The following NCOR2 variants were observed in gnomAD, a reference collection of about 807,000 sequenced individuals.
NCOR2 encodes the protein nuclear receptor corepressor 2, also known as CTG repeat protein 26.
NCOR2 carries 81 observed loss-of-function variants against 262.9 expected under a neutral mutation model. The ratio of observed to expected loss-of-function variants is 0.31; its 90% CI spans 0.26 to 0.37. The LOEUF is 0.37. Ranked by LOEUF, NCOR2 falls within the 10% of genes least tolerant of loss-of-function variation. The pLI is 1.00. For missense variants in NCOR2, 3,385 were observed against 3,621.4 expected, an observed-to-expected ratio of 0.93 and a Z score of 1.68; for synonymous variants, 1,659 against 1,559.3, an observed-to-expected ratio of 1.06 and a Z score of -1.51.
intron 44 of NCOR2, among the ~76,000 whole-genome samples, chr12:124,329,943 C>T (rs548982398): frequency 6.6e-6 from 1 of 152,278 alleles, no homozygotes; most frequent in South Asian, 2.1e-4. Flanking sequence ...TGGCAATGCC[C>T]CCGGTGTCTA....
intron 22 of NCOR2, among the ~76,000 whole-genome samples, chr12:124,360,551 T>G (rs979042639): frequency 2.0e-5 from 3 of 152,098 alleles, no homozygotes; most frequent in African/African-American, 7.2e-5. Context: ...ACACGCTCAC[T>G]TCAAATCCCT....
exon 38 of NCOR2, chr12:124,337,045 C>A: frequency 6.7e-7 from 1 of 1,496,946 alleles, no homozygotes; most frequent in East Asian, 2.4e-5. Context: ...GCCGGGCGAC[C>A]CGGGGGGCCT....
intron 7 of NCOR2, among the ~76,000 whole-genome samples, chr12:124,441,396 C>T (rs2044794624): frequency 6.6e-6 from 1 of 152,170 alleles, no homozygotes. Flanking sequence ...AACAAATCCC[C>T]ACGAGTCCAT....
At chr12:124,433,211 G>C (rs771536333) in intron 8 of NCOR2, among the ~76,000 whole-genome samples, 15 of 152,214 alleles carry the variant, frequency 9.9e-5, no homozygotes, top group Non-Finnish European at 1.9e-4. Context: ...TGGAGATCAA[G>C]AGGCAGTTCT....
chr12:124,550,889 G>C (rs1217084731), intron 1 of NCOR2, among the ~76,000 whole-genome samples: 1 of 152,202 alleles, frequency 6.6e-6, no homozygotes, highest in African/African-American at 2.4e-5. Flanking sequence ...GTGCTCTCTA[G>C]AAAGTCCCCG....
intron 1 of NCOR2, among the ~76,000 whole-genome samples, chr12:124,532,992 C>A (rs2050915233): frequency 1.4e-5 from 1 of 71,892 alleles, no homozygotes; most frequent in Admixed American, 1.5e-4. Context: ...CTCCTCTTTC[C>A]CCCACCTCCA....
chr12:124,445,788 G>C (rs901733613), intron 7 of NCOR2, among the ~76,000 whole-genome samples: 5 of 152,226 alleles, frequency 3.3e-5, no homozygotes, highest in Non-Finnish European at 7.3e-5. Context: ...ACAGTGCCTG[G>C]CGTGTAGTAG....
At position 124,517,858 on chromosome 12, in the gene NCOR2, C is replaced by G. The variant is rs551586346; in HGVS notation, c.-118+17707G>C. On this transcript the variant is annotated intron_variant, in intron 1 of 46. Transcript: ENST00000404621. This position sits in a 1 kb window ranked among gnomAD's most constrained non-coding sequence, Gnocchi z 7.6. Reference sequence around the variant, plus strand: ...CCGATGAGACAGCCCTGCCCACCATCCCGCTGAGCTCAGGGCCGACAACAC... The same window carrying G: ...CCGATGAGACAGCCCTGCCCACCATGCCGCTGAGCTCAGGGCCGACAACAC... 1.3e-5 allele frequency among the ~76,000 whole-genome samples: 2 copies of G among 152,216 alleles called. No homozygotes were observed. Among genetic ancestry groups the G allele is most frequent in the Admixed American group, 1.3e-4 (2 of 15,288 alleles).
In NCOR2 at chr12:124,506,445, G is replaced by A. The variant is rs1027068917; in HGVS notation, c.-117-11077C>T. ...CAGCTCGGCCCTGCTCCCCCGCCAC[G>A]GCGAAGTATGCTCAAAATCACTTCC... is the stretch of plus-strand genomic sequence containing the variant. On this transcript the variant is annotated intron_variant, in intron 1 of 46. Transcript: ENST00000404621. Among the ~76,000 whole-genome samples the A allele has an allele frequency of 3.3e-5, 5 of 152,176 alleles. No individual in the cohort carries two copies. In the East Asian group the frequency reaches 7.7e-4, roughly 24 times the overall value.
In NCOR2 at chr12:124,483,543, A is replaced by C; in HGVS notation, c.411+53T>G. 2.1e-6 allele frequency: 3 copies of C among 1,422,498 alleles called. No individual in the cohort carries two copies. The highest frequency in any genetic ancestry group is 1.9e-6 in the Non-Finnish European group (2 of 1,074,540). The allele number at this position is 1,422,498 out of a possible 1,614,324, so 88.1% of individuals were successfully genotyped here. ...CCACCACCTCCCACCCAGCCCAACC[A>C]GCAGCAGAACCTCAAGCGGGAGAGG... On this transcript the variant is annotated intron_variant, in intron 3 of 46. Transcript: ENST00000405201. This position sits in a 1 kb window ranked among gnomAD's most constrained non-coding sequence, Gnocchi z 6.3.
At chr12:124,508,959 A>G (rs539420367) in intron 1 of NCOR2, among the ~76,000 whole-genome samples, 1 of 152,116 alleles carries the variant, frequency 6.6e-6, no homozygotes, top group Non-Finnish European at 1.5e-5. Context: ...ACTATTAAAT[A>G]TAACAGGAAT....
At chr12:124,382,450 G>C (rs938519852) in intron 17 of NCOR2, among the ~76,000 whole-genome samples, 1 of 152,188 alleles carries the variant, frequency 6.6e-6, no homozygotes, top group South Asian at 2.1e-4. Flanking sequence ...CCTGGATCTC[G>C]GGGTCCCCTC....
At chr12:124,505,034 G>A (rs974188073) in intron 1 of NCOR2, among the ~76,000 whole-genome samples, 3 of 152,222 alleles carry the variant, frequency 2.0e-5, no homozygotes, top group African/African-American at 7.2e-5. Flanking sequence ...TATTTTGTAC[G>A]TATTTTACCA....
intron 28 of NCOR2, among the ~76,000 whole-genome samples, chr12:124,349,844 C>G (rs921947809): frequency 6.6e-6 from 1 of 152,130 alleles, no homozygotes. Context: ...CCAGGGGCAC[C>G]AGGGCATGAG....
intron 1 of NCOR2, among the ~76,000 whole-genome samples, chr12:124,489,267 A>G (rs2047948102): frequency 6.6e-6 from 1 of 152,170 alleles, no homozygotes; most frequent in Non-Finnish European, 1.5e-5. Context: ...AAAAACAACA[A>G]TAATACCCCA....
At chr12:124,462,569 A>G (rs1278450088) in intron 5 of NCOR2, among the ~76,000 whole-genome samples, 1 of 152,148 alleles carries the variant, frequency 6.6e-6, no homozygotes, top group Admixed American at 6.5e-5. Flanking sequence ...ATCTGAAAGA[A>G]CCCCTGGACC....
At chr12:124,461,399 G>A (rs993793970) in intron 5 of NCOR2, among the ~76,000 whole-genome samples, 24 of 152,240 alleles carry the variant, frequency 1.6e-4, no homozygotes, top group African/African-American at 5.8e-4. Context: ...AGCCAACTGA[G>A]ATCCGGGCAC....
At chr12:124,553,241 C>A (rs1178029489) in intron 1 of NCOR2, among the ~76,000 whole-genome samples, 1 of 152,170 alleles carries the variant, frequency 6.6e-6, no homozygotes. Flanking sequence ...ACTGTGATTA[C>A]CTCCAGCCCG....
chr12:124,553,182 G>A (rs566242147), intron 1 of NCOR2, among the ~76,000 whole-genome samples: 58 of 152,180 alleles, frequency 3.8e-4, no homozygotes, highest in Admixed American at 6.5e-4. Flanking sequence ...AGCCAGCAAC[G>A]CAGCATCTTC....
Sources: gnomAD v4.1 joint callset for allele counts (sites outside exome capture counted in the v4.1 genomes callset) on GRCh38, gnomAD v4.1.1 for gene constraint, Gnocchi (gnomAD v3.1) non-coding constraint, MANE v1.5 for transcripts, NCBI Gene and HGNC (gene_info 2026-07-23, HGNC 2026-07-21) for gene names.